Variants in SLC5A1 observed in about 807,000 individuals in gnomAD.
The protein encoded by SLC5A1 is sodium/glucose cotransporter 1.
In SLC5A1, 42 loss-of-function variants were observed where a neutral mutation model predicts 73.5. The observed-to-expected ratio is 0.57, with a 90% CI of 0.45 to 0.74. The LOEUF is 0.74. SLC5A1 is among the 30% of genes least tolerant of loss of function. The pLI, the probability that SLC5A1 is intolerant of heterozygous loss-of-function variation, is 0.00. For synonymous variants in SLC5A1, 300 were observed against 317.4 expected (o/e 0.95, Z 0.58); for missense variants, 634 against 855.4 (o/e 0.74, Z 3.23).
intron 12 of SLC5A1, among the ~76,000 whole-genome samples, chr22:32,100,075 CAG>C (rs1024048772): frequency 6.6e-6 from 1 of 152,158 alleles, no homozygotes; most frequent in Non-Finnish European, 1.5e-5. Flanking sequence ...GCATTCAAGT[CAG>C]AGAACAGTAC....
At chr22:32,085,460 T>A (rs1277813254) in intron 9 of SLC5A1, among the ~76,000 whole-genome samples, 1 of 152,058 alleles carries the variant, frequency 6.6e-6, no homozygotes, top group East Asian at 1.9e-4. Context: ...ATCCAAGCAT[T>A]ATTGCTCCTG....
At chr22:32,082,003 A>G in intron 6 of SLC5A1, 32 bp downstream of exon 6, 1 of 1,395,758 alleles carries the variant, frequency 7.2e-7, no homozygotes, top group South Asian at 1.2e-5. Flanking sequence ...AGCACCTCAA[A>G]CCCAGCTCGG....
At chr22:32,044,715 C>T (rs759309340) in intron 1 of SLC5A1, among the ~76,000 whole-genome samples, 1 of 152,166 alleles carries the variant, frequency 6.6e-6, no homozygotes, top group African/African-American at 2.4e-5. Flanking sequence ...CATTGGGTAA[C>T]TTCCCTCAGC....
chr22:32,060,500 C>G (rs2093960681), intron 2 of SLC5A1, among the ~76,000 whole-genome samples: 1 of 152,042 alleles, frequency 6.6e-6, no homozygotes, highest in African/African-American at 2.4e-5. Context: ...CAGCGGGTAA[C>G]AGATCTTTAA....
chr22:32,049,178 TATATCTATATC>T (rs1446782209), intron 1 of SLC5A1, among the ~76,000 whole-genome samples: 1 of 18,016 alleles, frequency 5.6e-5, no homozygotes, highest in Non-Finnish European at 1.7e-4. Context: ...TATCTATATC[TATATCTATATC>T]TATATCTATA....
At chr22:32,085,539 T>C (rs2094006717) in intron 9 of SLC5A1, among the ~76,000 whole-genome samples, 2 of 150,652 alleles carry the variant, frequency 1.3e-5, no homozygotes, top group Non-Finnish European at 3.0e-5. Context: ...TCGACAATTG[T>C]TTCCTCCTTT....
At chr22:32,069,165 A>C (rs138146760) in intron 5 of SLC5A1, among the ~76,000 whole-genome samples, 3 of 152,210 alleles carry the variant, frequency 2.0e-5, no homozygotes, top group African/African-American at 4.8e-5. Context: ...CATTGTGTTA[A>C]GTGAAATAGG....
intron 11 of SLC5A1, among the ~76,000 whole-genome samples, chr22:32,093,831 A>T (rs112435997): frequency 2.0e-4 from 31 of 152,140 alleles, no homozygotes; most frequent in Non-Finnish European, 2.9e-5. Context: ...GATGCCATTC[A>T]TTTCTTTCTT....
rs1298918435 is a variant in SLC5A1, at chr22:32,099,206, G to T, written c.1304G>T (p.Gly435Val). 6.2e-7 allele frequency: 1 copy of T among 1,608,716 alleles called. No homozygotes were observed. Among genetic ancestry groups the T allele is most frequent in the Non-Finnish European group, 8.5e-7 (1 of 1,177,834 alleles). Residue 435 changes from glycine (G) to valine (V), a missense_variant, in exon 12 of 15, where the codon GGC (glycine) becomes GTC (valine). Gly to Val is a moderately radical substitution (Grantham distance 109, BLOSUM62 -3). Coordinates refer to ENST00000266088, the MANE Select transcript of SLC5A1 (RefSeq NM_000343.4). ...AGRLFILVLI[G>V]ISIAWVPIVQ... ...AGGTTGTTTATCCTGGTGCTGATTG[G>T]CATCAGCATCGCCTGGGTGCCCATT...
rs564434971 is a variant in SLC5A1, at chr22:32,073,585, T to C, written c.477+4985T>C. Among the ~76,000 whole-genome samples the C allele has an allele frequency of 2.3e-3, 343 of 152,244 alleles. 2 individuals carry two copies. Among genetic ancestry groups the C allele is most frequent in the African/African-American group, 8.0e-3 (333 of 41,524 alleles). On this transcript the variant is annotated intron_variant, in intron 5 of 14. Coordinates refer to ENST00000266088, the MANE Select transcript of SLC5A1 (RefSeq NM_000343.4). ...TTGTTTTGTTTTTTTAGATGTAGTT[T>C]CACTCTCGTTGCCCAGGCTGGAGTA...
intron 12 of SLC5A1, among the ~76,000 whole-genome samples, chr22:32,101,435 C>G (rs988636509): frequency 3.9e-5 from 6 of 152,118 alleles, no homozygotes; most frequent in African/African-American, 1.4e-4. Flanking sequence ...TGTAAAAACA[C>G]AGTATAATTT....
At chr22:32,066,278 C>T (rs867819151) in intron 2 of SLC5A1, among the ~76,000 whole-genome samples, 11 of 152,244 alleles carry the variant, frequency 7.2e-5, no homozygotes, top group Non-Finnish European at 1.2e-4. Flanking sequence ...GTGCACGTGT[C>T]CGTGTGGTCC....
intron 2 of SLC5A1, among the ~76,000 whole-genome samples, chr22:32,052,643 T>C (rs899576920): frequency 2.6e-5 from 4 of 152,298 alleles, no homozygotes; most frequent in African/African-American, 9.6e-5. Flanking sequence ...CTCTCCCTGC[T>C]CTACTTGCTT....
At position 32,043,638 on chromosome 22, in the gene SLC5A1, C is replaced by T. The variant is rs1443510693; in HGVS notation, c.135+222C>T. Among the ~76,000 whole-genome samples the T allele has an allele frequency of 6.6e-6, 1 of 152,062 alleles. No homozygotes were observed. The highest frequency in any genetic ancestry group is 1.9e-4 in the East Asian group (1 of 5,176). On this transcript the variant is annotated intron_variant, in intron 1 of 14. Transcript: ENST00000266088. This position sits in a 1 kb window ranked among gnomAD's most constrained non-coding sequence, Gnocchi z 6.5. ...GCCCAGGGCAGCCTGCCAGGAAGGA[C>T]CAAGGAGGATACCTGAGCCTGTGAG...
intron 2 of SLC5A1, among the ~76,000 whole-genome samples, chr22:32,060,142 C>T (rs1378712783): frequency 0.041 from 765 of 18,574 alleles, 7 homozygotes; most frequent in African/African-American, 0.072. Flanking sequence ...TATATATACA[C>T]ATACACACAC....
rs1322566407 is a variant in SLC5A1 at position 32,068,498 on chromosome 22, G to T, written c.375G>T (p.Val125=). Residue 125 remains valine (V), a splice_region_variant and synonymous_variant, in exon 5 of 15, where the codon GTG becomes GTT. Transcript: ENST00000266088. ...GACCTCCCTCGCACCCCATGCAGGT[G>T]GTGACAATGCCAGAGTACCTGAGGA... The part of the protein sequence containing the change: ...LFVPIYIKAG[V]VTMPEYLRKR... 1 of 1,611,344 alleles carries T rather than the reference G, an allele frequency of 6.2e-7. No homozygotes were observed. The highest frequency in any genetic ancestry group is 8.5e-7 in the Non-Finnish European group (1 of 1,177,496).
chr22:32,098,930 C>G (rs965348816), intron 11 of SLC5A1, among the ~76,000 whole-genome samples: 1 of 150,950 alleles, frequency 6.6e-6, no homozygotes, highest in African/African-American at 2.4e-5. Flanking sequence ...TAAAAAAATA[C>G]AAAAAATTAG....
intron 2 of SLC5A1, among the ~76,000 whole-genome samples, chr22:32,058,752 T>A (rs566960997): frequency 2.4e-4 from 36 of 152,334 alleles, no homozygotes; most frequent in African/African-American, 8.2e-4. Flanking sequence ...CCTTATGGTC[T>A]TGTTCTTATG....
At chr22:32,103,085 T>A (rs183364136) in intron 13 of SLC5A1, among the ~76,000 whole-genome samples, 2 of 152,194 alleles carry the variant, frequency 1.3e-5, no homozygotes, top group Non-Finnish European at 2.9e-5. Flanking sequence ...TGAATATATA[T>A]CCAGTAGTAG....
Sources: gnomAD v4.1 joint callset for allele counts (sites outside exome capture counted in the v4.1 genomes callset) on GRCh38, gnomAD v4.1.1 for gene constraint, Gnocchi (gnomAD v3.1) non-coding constraint, MANE v1.5 for transcripts, NCBI Gene and HGNC (gene_info 2026-07-23, HGNC 2026-07-21) for gene names.